MPDZ: variants seen among roughly 807,000 people sequenced by gnomAD.
The protein encoded by MPDZ is multiple PDZ domain protein.
A neutral mutation model predicts 239.1 loss-of-function variants in MPDZ; 234 were observed. The ratio of observed to expected loss-of-function variants is 0.98; its 90% CI spans 0.88 to 1.09. The LOEUF is 1.09. Ranked by LOEUF, MPDZ falls within the 50% of genes least tolerant of loss-of-function variation. The probability of loss-of-function intolerance (pLI) is 0.00; values close to 1 mark genes in which losing one functional copy is unlikely to be tolerated. For synonymous variants in MPDZ, 1,048 were observed against 881.3 expected (o/e 1.19, Z -3.35); for missense variants, 3,175 against 2,510.0 (o/e 1.26, Z -5.66).
chr9:13,219,702 T>C lies in MPDZ; in HGVS notation c.943A>G (p.Ser315Gly). The change falls in exon 8 of 47, where the codon AGT (serine) becomes GGT (glycine). Residue 315 changes from serine to glycine, a missense_variant. By Grantham distance (56) the Ser-to-Gly change is moderately conservative. Transcript: ENST00000319217. ...CTAAGGACTTGTGCTACTTGCTCAC[T>C]GCTCATTCCTGCTAGATCTGTGTCA... ...IGDTDLAGMSSEQVAQVLRQC... is the reference protein window; with the variant it reads ...IGDTDLAGMSGEQVAQVLRQC... The C allele has an allele frequency of 6.2e-7, 1 of 1,612,802 alleles. No individual in the cohort carries two copies. The highest frequency in any genetic ancestry group is 8.5e-7 in the Non-Finnish European group (1 of 1,179,234).
chr9:13,148,615 C>A (rs553997906), intron 25 of MPDZ, among the ~76,000 whole-genome samples: 21 of 151,928 alleles, frequency 1.4e-4, no homozygotes, highest in African/African-American at 4.8e-4. Context: ...TTTTGTAGAA[C>A]AAAAGTCAGT....
rs193225665 is a variant in MPDZ at position 13,153,945 on chromosome 9, G to T, written c.3453-3257C>A. ...TAAGTAACAGCAAATGTTTATTAAGGGTTGTACCATGTCCTCAGTATTATT... is the reference window on the plus strand; with the variant it reads ...TAAGTAACAGCAAATGTTTATTAAGTGTTGTACCATGTCCTCAGTATTATT... On this transcript the variant is annotated intron_variant, in intron 24 of 46. Transcript: ENST00000319217. 2.6e-5 allele frequency among the ~76,000 whole-genome samples: 4 copies of T among 152,142 alleles called. No individual in the cohort carries two copies. In the East Asian group the frequency reaches 7.7e-4, roughly 29 times the overall value.
At position 13,170,956 on chromosome 9, in the gene MPDZ, T is replaced by C. The variant is rs372464135; in HGVS notation, c.3056-2392A>G. Among the ~76,000 whole-genome samples the C allele has an allele frequency of 2.3e-4, 35 of 152,250 alleles. 1 individual carries two copies. The East Asian group carries it at 4.3e-3, about 19-fold the overall frequency. On this transcript the variant is annotated intron_variant, in intron 21 of 46. Coordinates refer to ENST00000319217, the MANE Select transcript of MPDZ (RefSeq NM_001378778.1). ...CTCTCAATTTTTTTCCTGGAAGAAG[T>C]ATTAAAGAATATCCCAAATCCCAAA...
chr9:13,198,737 CTGTGTGTG>C (rs1554691393), intron 12 of MPDZ, among the ~76,000 whole-genome samples: 4 of 69,808 alleles, frequency 5.7e-5, no homozygotes, highest in Middle Eastern at 8.8e-3. Flanking sequence ...ATCTCTCTCT[CTGTGTGTG>C]TGTGTGTGTG....
chr9:13,144,157 A>G (rs1051622984), intron 26 of MPDZ, among the ~76,000 whole-genome samples: 1 of 152,006 alleles, frequency 6.6e-6, no homozygotes, highest in Non-Finnish European at 1.5e-5. Flanking sequence ...ACTCCTGTAG[A>G]GTGGTGTTCT....
intron 12 of MPDZ, among the ~76,000 whole-genome samples, chr9:13,197,873 T>G (rs766832744): frequency 1.2e-4 from 18 of 152,148 alleles, no homozygotes; most frequent in Non-Finnish European, 2.5e-4. Context: ...TTGGTTTATT[T>G]CACTTAACAC....
intron 27 of MPDZ, among the ~76,000 whole-genome samples, chr9:13,141,698 A>G (rs1947717045): frequency 6.6e-6 from 1 of 152,186 alleles, no homozygotes; most frequent in South Asian, 2.1e-4. Flanking sequence ...TAGGATACCT[A>G]AAAATATATG....
chr9:13,225,689 G>T (rs1438897910), intron 3 of MPDZ, among the ~76,000 whole-genome samples: 1 of 152,046 alleles, frequency 6.6e-6, no homozygotes, highest in African/African-American at 2.4e-5. Context: ...CAGGTTGGTA[G>T]ACTAGGAGCA....
intron 19 of MPDZ, among the ~76,000 whole-genome samples, chr9:13,181,358 G>A (rs779934017): frequency 1.7e-4 from 26 of 152,080 alleles, no homozygotes; most frequent in Non-Finnish European, 3.4e-4. Context: ...TAAATTTGTT[G>A]CAAAGAAACA....
At chr9:13,123,739 G>T (rs1237718678) in intron 35 of MPDZ, among the ~76,000 whole-genome samples, 1 of 152,126 alleles carries the variant, frequency 6.6e-6, no homozygotes, top group Non-Finnish European at 1.5e-5. Flanking sequence ...TACATTCAGG[G>T]AATACCACAA....
At chr9:13,158,407 G>C (rs1217084330) in intron 23 of MPDZ, among the ~76,000 whole-genome samples, 3 of 152,066 alleles carry the variant, frequency 2.0e-5, no homozygotes, top group African/African-American at 4.8e-5. Context: ...GGGAAAATAG[G>C]ATAAATACCA....
In MPDZ at chr9:13,160,869, T is replaced by TATATATATAA. The variant is rs1554669676; in HGVS notation, c.3359+1821_3359+1822insTTATATATAT. ...ATATATATATATATATATATATATA[T>TATATATATAA]AAAACAGGTACTTACATAGCTTTTA... On this transcript the variant is annotated intron_variant, in intron 23 of 46. Coordinates refer to ENST00000319217, the MANE Select transcript of MPDZ (RefSeq NM_001378778.1). 8.1e-4 allele frequency among the ~76,000 whole-genome samples: 103 copies of TATATATATAA among 127,774 alleles called. 4 individuals carry two copies. Among genetic ancestry groups the TATATATATAA allele is most frequent in the South Asian group, 3.9e-3 (15 of 3,814 alleles). The allele number at this position is 127,774 out of a possible 152,430, so 83.8% of individuals were successfully genotyped here.
Position 13,186,249 on chromosome 9 carries a change from TG to T in MPDZ, c.2481+20del, listed in dbSNP as rs1385447890. The T allele has an allele frequency of 5.6e-6, 8 of 1,420,716 alleles. No homozygotes were observed. The highest frequency in any genetic ancestry group is 6.6e-6 in the Non-Finnish European group (7 of 1,054,916). 88.0% of individuals were successfully genotyped at this position (1,420,716 alleles called of 1,614,324 possible). A position where few individuals can be genotyped will look rare whatever the true frequency, so the allele number is the denominator to read the frequency against. On this transcript the variant is annotated intron_variant, in intron 18 of 46. Coordinates refer to ENST00000319217, the MANE Select transcript of MPDZ (RefSeq NM_001378778.1). ...CATATCAGGTTTCTGAAAGAAAGCT[TG>T]ATAAGTCATAGCCACTAACCAGAGC...
chr9:13,172,314 C>A (rs1951874571), intron 21 of MPDZ, among the ~76,000 whole-genome samples: 1 of 151,218 alleles, frequency 6.6e-6, no homozygotes, highest in Non-Finnish European at 1.5e-5. Flanking sequence ...GTGATTTACA[C>A]TTTTATATTA....
intron 1 of MPDZ, among the ~76,000 whole-genome samples, chr9:13,261,311 C>A (rs898567172): frequency 2.0e-4 from 30 of 152,280 alleles, no homozygotes; most frequent in African/African-American, 6.3e-4. Flanking sequence ...CTGGTCCCTA[C>A]AGATGCACAA....
intron 19 of MPDZ, among the ~76,000 whole-genome samples, chr9:13,181,687 C>T (rs536422125): frequency 3.5e-4 from 53 of 152,278 alleles, no homozygotes; most frequent in Admixed American, 2.2e-3. Context: ...AAACAGACTT[C>T]GGTAAGCCAA....
intron 1 of MPDZ, among the ~76,000 whole-genome samples, chr9:13,260,462 T>A (rs929745447): frequency 1.3e-5 from 2 of 152,198 alleles, no homozygotes; most frequent in Admixed American, 1.3e-4. Flanking sequence ...TTGTGACTAT[T>A]CTAGAAATGT....
Position 13,119,664 on chromosome 9 carries a change from G to A in MPDZ, c.5232-15C>T, listed in dbSNP as rs1187675324. 2.5e-6 allele frequency: 4 copies of A among 1,613,494 alleles called. No homozygotes were observed. Among genetic ancestry groups the A allele is most frequent in the Non-Finnish European group, 3.4e-6 (4 of 1,179,756 alleles). ...CAGTATCGTTTCTACACACAATTTTGAATTTCAACATTATCTTTTGCTCAA... is the reference window on the plus strand; with the variant it reads ...CAGTATCGTTTCTACACACAATTTTAAATTTCAACATTATCTTTTGCTCAA... On this transcript the variant is annotated splice_polypyrimidine_tract_variant and intron_variant, in intron 38 of 46. Transcript: ENST00000319217.
chr9:13,132,971 C>T (rs1193156215), intron 32 of MPDZ, among the ~76,000 whole-genome samples: 2 of 152,112 alleles, frequency 1.3e-5, no homozygotes, highest in East Asian at 1.9e-4. Context: ...TTAGATGATA[C>T]ATTAAAATCA....
Sources: gnomAD v4.1 joint callset for allele counts (sites outside exome capture counted in the v4.1 genomes callset) on GRCh38, gnomAD v4.1.1 for gene constraint, MANE v1.5 for transcripts, NCBI Gene and HGNC (gene_info 2026-07-23, HGNC 2026-07-21) for gene names.